SLX4: variants seen among roughly 807,000 people sequenced by gnomAD.
SLX4 encodes SLX4 structure-specific endonuclease subunit, also known as structure-specific endonuclease subunit SLX4.
A neutral mutation model predicts 146.2 loss-of-function variants in SLX4; 112 were observed. The ratio of observed to expected loss-of-function variants is 0.77; its 90% CI spans 0.66 to 0.90. SLX4 has a LOEUF of 0.90. Among genes scored for constraint, SLX4 ranks in the 40% least tolerant of loss-of-function variants. The pLI is 0.00. For missense variants in SLX4, 2,563 were observed against 2,392.7 expected, an observed-to-expected ratio of 1.07 and a Z score of -1.49; for synonymous variants, 1,061 against 997.7, an observed-to-expected ratio of 1.06 and a Z score of -1.20.
chr16:3,606,707 G>T lies in SLX4; in HGVS notation c.536-9C>A. The T allele has an allele frequency of 6.2e-7, 1 of 1,613,898 alleles. No individual in the cohort carries two copies. The highest frequency in any genetic ancestry group is 1.1e-5 in the South Asian group (1 of 91,072). ...GCTGTTGGGCACATTCTCTGGCAAG[G>T]AGGAAAATATTCACAACCATCTGTT... On this transcript the variant is annotated splice_polypyrimidine_tract_variant and intron_variant, in intron 2 of 14. Coordinates refer to ENST00000294008, the MANE Select transcript of SLX4 (RefSeq NM_032444.4).
intron 10 of SLX4, 111 bp from the exon 11 acceptor site, chr16:3,592,976 T>C (rs2040610646): frequency 8.7e-7 from 1 of 1,150,778 alleles, no homozygotes; most frequent in Non-Finnish European, 1.2e-6. Flanking sequence ...TTTTTCTTTT[T>C]AGAGACAGTG....
chr16:3,587,133 C>T (rs905066027), intron 12 of SLX4, among the ~76,000 whole-genome samples: 4 of 152,160 alleles, frequency 2.6e-5, no homozygotes, highest in African/African-American at 9.7e-5. Context: ...TACTGAGAAG[C>T]ACTGAACTGT....
Position 3,608,442 on chromosome 16 carries a change from C to T in SLX4, c.523G>A (p.Glu175Lys). 1 of 1,614,190 alleles carries T rather than the reference C, an allele frequency of 6.2e-7. No homozygotes were observed. Among genetic ancestry groups the T allele is most frequent in the Non-Finnish European group, 8.5e-7 (1 of 1,180,044 alleles). ...QQEPSPNLSR[E>K]KTRENVPNSD... ...GAGTACAAATTACCTCTGGTTTTCT[C>T]TCTGGAAAGGTTTGGCGATGGTTCT... Residue 175 changes from glutamate to lysine, a missense_variant, in exon 2 of 15, where the codon GAG (glutamate) becomes AAG (lysine). Transcript: ENST00000294008.
chr16:3,582,752 T>C (rs2040455410), intron 14 of SLX4, 59 bp from the exon 15 acceptor site: 1 of 1,465,392 alleles, frequency 6.8e-7, no homozygotes, highest in Non-Finnish European at 9.4e-7. Context: ...CCTGAGACCA[T>C]GAGCCTCTTT....
intron 5 of SLX4, 81 bp from the exon 6 acceptor site, chr16:3,598,080 G>T: frequency 1.3e-6 from 2 of 1,539,712 alleles, no homozygotes; most frequent in East Asian, 2.2e-5. Flanking sequence ...TCTGGAGAGG[G>T]CTGGGCCTGA....
intron 3 of SLX4, among the ~76,000 whole-genome samples, chr16:3,605,730 G>A (rs1376632835): frequency 6.8e-6 from 1 of 147,050 alleles, no homozygotes; most frequent in Non-Finnish European, 1.5e-5. Flanking sequence ...GGTGGATCAC[G>A]AGGTCAGGAG....
At chr16:3,588,870 G>T (rs2040538430) in intron 12 of SLX4, 132 bp downstream of exon 12, 2 of 1,123,894 alleles carry the variant, frequency 1.8e-6, no homozygotes. Flanking sequence ...CTGGAAGGCA[G>T]CGGAAGTGTC....
Position 3,597,491 on chromosome 16 carries a change from T to C in SLX4, c.1571A>G (p.Glu524Gly). 6.2e-7 allele frequency: 1 copy of C among 1,614,100 alleles called. No homozygotes were observed. Among genetic ancestry groups the C allele is most frequent in the Non-Finnish European group, 8.5e-7 (1 of 1,180,034 alleles). ...ERAGQCPPPPERKQSFLWEGS... is the reference protein window; with the variant it reads ...ERAGQCPPPPGRKQSFLWEGS... The stretch of plus-strand genomic sequence containing the variant: ...CTCCCACAGAAAGCTCTGCTTGCGT[T>C]CAGGTGGAGGAGGACACTGGCCCGC... The change falls in exon 7 of 15, where the codon GAA becomes GGA. Residue 524 changes from glutamate (E) to glycine (G), a missense_variant. Glu to Gly is a moderately conservative substitution (Grantham distance 98). Coordinates refer to ENST00000294008, the MANE Select transcript of SLX4 (RefSeq NM_032444.4). This position sits in a 1 kb window ranked among gnomAD's most constrained non-coding sequence, Gnocchi z 4.4.
rs1204077551 is a variant in SLX4 at position 3,609,087 on chromosome 16, T to C, written c.-123A>G. 3.3e-6 allele frequency: 4 copies of C among 1,214,518 alleles called. No homozygotes were observed. Among genetic ancestry groups the C allele is most frequent in the African/African-American group, 3.0e-5 (2 of 66,524 alleles). 75.2% of individuals were successfully genotyped at this position (1,214,518 alleles called of 1,614,324 possible). A position where few individuals can be genotyped will look rare whatever the true frequency, so the allele number is the denominator to read the frequency against. The stretch of plus-strand genomic sequence containing the variant: ...TTCAAATTGGGCCTGTGGTTAAACA[T>C]GTTTAAAGCTTCCCTCTGTTAAAGT... On this transcript the variant is annotated 5_prime_UTR_variant, in exon 2 of 15. An upstream start codon of the reference 5' UTR is lost. Coordinates refer to ENST00000294008, the MANE Select transcript of SLX4 (RefSeq NM_032444.4).
At chr16:3,583,736 C>G (rs1015286134) in intron 13 of SLX4, among the ~76,000 whole-genome samples, 2 of 152,248 alleles carry the variant, frequency 1.3e-5, no homozygotes, top group African/African-American at 4.8e-5. Context: ...GGCACAATGG[C>G]TCACGCCTAC....
At position 3,582,225 on chromosome 16, in the gene SLX4, C is replaced by A; in HGVS notation, c.*117G>T. 1 of 823,270 alleles carries A rather than the reference C, an allele frequency of 1.2e-6. No individual in the cohort carries two copies. The allele number at this position is 823,270 out of a possible 1,614,324, so 51.0% of individuals were successfully genotyped here. On this transcript the variant is annotated 3_prime_UTR_variant, in exon 15 of 15. Coordinates refer to ENST00000294008, the MANE Select transcript of SLX4 (RefSeq NM_032444.4). ...TCACAGCGCAGAGCTGATGTGGTCC[C>A]CAGGCCCAGAAATGCCTGTGGAGGC...
intron 5 of SLX4, chr16:3,600,613 T>TC (rs2040715588): frequency 1.5e-5 from 2 of 132,810 alleles, no homozygotes; most frequent in Non-Finnish European, 3.2e-5. Flanking sequence ...TTTTTTTTTT[T>TC]TTTTTTTGGA....
chr16:3,592,737 A>C lies in SLX4; in HGVS notation c.2289T>G (p.Pro763=). The change falls in exon 11 of 15, where the codon CCT becomes CCG. Residue 763 remains proline (P), a synonymous_variant. Transcript: ENST00000294008. ...AGCTCAGCTCAGAGCTAAGGCCAGG[A>C]GGAAGGCCAGTGTCCGCAGTGTAGA... The part of the protein sequence containing the change: ...HYLYTADTGL[P]PGLSSELSSL... 6.2e-7 allele frequency: 1 copy of C among 1,613,436 alleles called. No homozygotes were observed. Among genetic ancestry groups the C allele is most frequent in the Non-Finnish European group, 8.5e-7 (1 of 1,180,012 alleles).
At chr16:3,587,533 G>A (rs1227253377) in intron 12 of SLX4, among the ~76,000 whole-genome samples, 1 of 152,152 alleles carries the variant, frequency 6.6e-6, no homozygotes, top group Non-Finnish European at 1.5e-5. Flanking sequence ...GGAGCCCTTT[G>A]AGCCCCCGAT....
rs373743309 is a variant in SLX4 at position 3,608,876 on chromosome 16, G to A, written c.89C>T (p.Ser30Phe). The A allele has an allele frequency of 5.0e-6, 8 of 1,614,098 alleles. No individual in the cohort carries two copies. The South Asian group carries it at 6.6e-5, about 13-fold the overall frequency. Reference protein sequence around the residue: ...LSACPGIDPRSSEDQPESLKT... With the variant: ...LSACPGIDPRFSEDQPESLKT... ...AAGGCTTTCAGGCTGGTCTTCAGAG[G>A]AGCGAGGGTCAATCCCAGGACAGGC... The change falls in exon 2 of 15, where the codon TCC becomes TTC. Residue 30 changes from serine to phenylalanine, a missense_variant. Coordinates refer to ENST00000294008, the MANE Select transcript of SLX4 (RefSeq NM_032444.4).
Position 3,582,174 on chromosome 16 carries a change from A to G in SLX4, c.*168T>C. ...CTAGAAAGCAGAGCCCAGAGGAGGA[A>G]GCCCTGGATTGGGCTGTGGTCATCA... On this transcript the variant is annotated 3_prime_UTR_variant, in exon 15 of 15. Transcript: ENST00000294008. 1 of 621,614 alleles carries G rather than the reference A, an allele frequency of 1.6e-6. No individual in the cohort carries two copies. 38.5% of individuals were successfully genotyped at this position (621,614 alleles called of 1,614,324 possible). A position where few individuals can be genotyped will look rare whatever the true frequency, so the allele number is the denominator to read the frequency against.
intron 12 of SLX4, among the ~76,000 whole-genome samples, chr16:3,585,800 C>CAA (rs1226056168): frequency 0.015 from 882 of 60,690 alleles, 15 homozygotes; most frequent in African/African-American, 0.053. Flanking sequence ...CCTATCTCTA[C>CAA]AAAAAAAAAA....
intron 12 of SLX4, among the ~76,000 whole-genome samples, chr16:3,585,362 G>A (rs1229206138): frequency 5.3e-5 from 8 of 152,084 alleles, no homozygotes; most frequent in Admixed American, 1.3e-4. Context: ...CGAGGTGGGC[G>A]GATCACGAGG....
chr16:3,595,501 G>A, intron 9 of SLX4, 104 bp downstream of exon 9: 2 of 1,282,494 alleles, frequency 1.6e-6, no homozygotes, highest in South Asian at 1.2e-5. Context: ...AGAGGCCACT[G>A]CACTTGCGTT....
Sources: gnomAD v4.1 joint callset for allele counts (sites outside exome capture counted in the v4.1 genomes callset) on GRCh38, gnomAD v4.1.1 for gene constraint, Gnocchi (gnomAD v3.1) non-coding constraint, MANE v1.5 for transcripts, NCBI Gene and HGNC (gene_info 2026-07-23, HGNC 2026-07-21) for gene names.